REPS2: variants seen among roughly 807,000 people sequenced by gnomAD.
REPS2 encodes the protein RALBP1 associated Eps domain containing 2.
In REPS2, 23 loss-of-function variants were observed where a neutral mutation model predicts 53.6. That is an observed-to-expected ratio of 0.43 (90% CI 0.31 to 0.61). The LOEUF is 0.61. Among genes scored for constraint, REPS2 ranks in the 20% least tolerant of loss-of-function variants. The probability of loss-of-function intolerance (pLI) is 0.11; values close to 1 mark genes in which losing one functional copy is unlikely to be tolerated. For synonymous variants in REPS2, 238 were observed against 218.6 expected (o/e 1.09, Z -0.78); for missense variants, 446 against 534.9 (o/e 0.83, Z 1.64).
chrX:17,012,106 A>G (rs1303590951), intron 2 of REPS2, among the ~76,000 whole-genome samples: 4 of 110,913 alleles, frequency 3.6e-5, no homozygotes, highest in African/African-American at 1.3e-4. Flanking sequence ...TTGGCCCGGC[A>G]TGGTGGCTCA....
intron 5 of REPS2, among the ~76,000 whole-genome samples, chrX:17,033,684 C>T (rs1379691118): frequency 1.8e-5 from 2 of 112,524 alleles, no homozygotes; most frequent in African/African-American, 6.5e-5. Flanking sequence ...GTATTAGCCT[C>T]TCTCTTGTTT....
intron 14 of REPS2, among the ~76,000 whole-genome samples, chrX:17,111,480 T>C (rs992022116): frequency 1.8e-5 from 2 of 112,656 alleles, no homozygotes; most frequent in African/African-American, 6.5e-5. Context: ...GCCACCTTCA[T>C]TTTCTTCCAA....
In REPS2 at chrX:17,149,673, A is replaced by G. The variant is rs1474607255; in HGVS notation, c.*2192A>G. The stretch of plus-strand genomic sequence containing the variant: ...TTTTGGTAAATTCAATCCAGGAAAG[A>G]CTAGCATGTGCACTTTATCTCATAA... On this transcript the variant is annotated 3_prime_UTR_variant, in exon 18 of 18. Coordinates refer to ENST00000357277, the MANE Select transcript of REPS2 (RefSeq NM_004726.3). The G allele has an allele frequency of 8.9e-6, 1 of 112,591 alleles. No individual in the cohort carries two copies. The highest frequency in any genetic ancestry group is 1.9e-5 in the Non-Finnish European group (1 of 53,372). 9.3% of individuals were successfully genotyped at this position (112,591 alleles called of 1,213,427 possible).
chrX:17,007,919 T>A (rs1054815595), intron 2 of REPS2, among the ~76,000 whole-genome samples: 3 of 112,489 alleles, frequency 2.7e-5, no homozygotes, highest in Non-Finnish European at 5.6e-5. Flanking sequence ...TTAGTAGAAT[T>A]TGGAGCCAGG....
Position 17,080,888 on chromosome X carries a change from C to T in REPS2, c.1516+3481C>T, listed in dbSNP as rs147181061. 6.2e-4 allele frequency among the ~76,000 whole-genome samples: 69 copies of T among 111,616 alleles called. No individual in the cohort carries two copies. The East Asian group carries it at 0.013, about 21-fold the overall frequency. ...ACTTCTTTCTTCTTCATTTTGCCTACGTTCTGGACCTCCCTCCTGTCAGGC... is the reference window on the plus strand; with the variant it reads ...ACTTCTTTCTTCTTCATTTTGCCTATGTTCTGGACCTCCCTCCTGTCAGGC... On this transcript the variant is annotated intron_variant, in intron 13 of 17. Coordinates refer to ENST00000357277, the MANE Select transcript of REPS2 (RefSeq NM_004726.3).
intron 1 of REPS2, among the ~76,000 whole-genome samples, chrX:16,992,550 C>T (rs1182359160): frequency 9.0e-6 from 1 of 111,731 alleles, no homozygotes; most frequent in Non-Finnish European, 1.9e-5. Context: ...TTCTTCATTG[C>T]CCCAAAGCCC....
At chrX:17,191,791 T>A in the REPS2 span, among the ~76,000 whole-genome samples, 1 of 112,624 alleles carries the variant, frequency 8.9e-6, no homozygotes, top group Non-Finnish European at 1.9e-5. Flanking sequence ...ACATACTGTG[T>A]GATTCCATTT....
intron 3 of REPS2, among the ~76,000 whole-genome samples, chrX:17,023,738 A>G (rs2061603742): frequency 1.8e-5 from 2 of 111,542 alleles, no homozygotes; most frequent in South Asian, 7.5e-4. Flanking sequence ...TTTGGAGAGG[A>G]ATGAGGGTCC....
At chrX:17,081,790 A>G (rs2062459301) in intron 13 of REPS2, among the ~76,000 whole-genome samples, 1 of 112,151 alleles carries the variant, frequency 8.9e-6, no homozygotes, top group South Asian at 3.7e-4. Flanking sequence ...ACAGTCCCAC[A>G]CAGCTGCTGT....
intron 1 of REPS2, among the ~76,000 whole-genome samples, chrX:16,966,541 A>G (rs954510875): frequency 3.6e-5 from 4 of 112,554 alleles, no homozygotes; most frequent in African/African-American, 1.3e-4. Context: ...ACAATATTTT[A>G]AATAAGCTTG....
chrX:17,153,725 C>CG (rs1310441603), downstream of REPS2, among the ~76,000 whole-genome samples: 20 of 110,886 alleles, frequency 1.8e-4, no homozygotes, highest in African/African-American at 6.2e-4. Flanking sequence ...GGCACCTCTC[C>CG]TATTGGGTGA....
At chrX:16,957,410 C>CA (rs34675762) in intron 1 of REPS2, among the ~76,000 whole-genome samples, 35,819 of 94,991 alleles carry the variant, frequency 0.38, 5,825 homozygotes, top group East Asian at 0.86. Flanking sequence ...GATTCTGTCT[C>CA]AAAAAAAAAA....
At chrX:17,156,531 C>T (rs1018329911), downstream of REPS2, among the ~76,000 whole-genome samples, 4 of 110,523 alleles carry the variant, frequency 3.6e-5, no homozygotes, top group African/African-American at 6.6e-5. Context: ...TTAGACTTAA[C>T]GGGTTCATGG....
chrX:17,088,125 T>G (rs1475337342), intron 13 of REPS2, among the ~76,000 whole-genome samples: 1 of 111,441 alleles, frequency 9.0e-6, no homozygotes, highest in African/African-American at 3.3e-5. Context: ...GAAAGTGTGA[T>G]GGAAACAGCT....
chrX:17,157,049 G>A (rs1182470024), downstream of REPS2, among the ~76,000 whole-genome samples: 1 of 111,878 alleles, frequency 8.9e-6, no homozygotes, highest in Non-Finnish European at 1.9e-5. Flanking sequence ...GGAGGATGGG[G>A]TGGAATGGAA....
the REPS2 span, among the ~76,000 whole-genome samples, chrX:17,177,557 C>G: frequency 3.3e-4 from 37 of 111,589 alleles, no homozygotes; most frequent in African/African-American, 9.8e-4. Flanking sequence ...GGCAAGCTGG[C>G]CCAGATGCCT....
At chrX:17,134,923 A>G (rs1051131129) in intron 15 of REPS2, among the ~76,000 whole-genome samples, 8 of 111,374 alleles carry the variant, frequency 7.2e-5, no homozygotes, top group African/African-American at 2.6e-4. Context: ...CGCCCGGCCA[A>G]AATTTAGGTT....
intron 14 of REPS2, among the ~76,000 whole-genome samples, chrX:17,120,312 G>A (rs1183133170): frequency 8.9e-6 from 1 of 112,039 alleles, no homozygotes; most frequent in Non-Finnish European, 1.9e-5. Flanking sequence ...CAGGGAGGCA[G>A]CTTGACAGAG....
rs916334862 is a variant in REPS2, at chrX:17,002,978, A to T, written c.274-3243A>T. Reference sequence around the variant, plus strand: ...CTACTTGTAAAAGTAATAAAAATGGAGGGGAAGAAGAAAGATTCTGATGCA... The same window carrying T: ...CTACTTGTAAAAGTAATAAAAATGGTGGGGAAGAAGAAAGATTCTGATGCA... On this transcript the variant is annotated intron_variant, in intron 1 of 17. Transcript: ENST00000357277. 3.0e-4 allele frequency among the ~76,000 whole-genome samples: 34 copies of T among 112,169 alleles called. 1 individual carries two copies. Among genetic ancestry groups the T allele is most frequent in the African/African-American group, 1.1e-3 (33 of 30,841 alleles).
Sources: allele counts gnomAD v4.1 joint callset (sites outside exome capture counted in the v4.1 genomes callset), GRCh38; gene constraint gnomAD v4.1.1; transcripts MANE v1.5; gene names NCBI Gene and HGNC (gene_info 2026-07-23, HGNC 2026-07-21).